Variants in DNMT3A observed in about 807,000 individuals in gnomAD.
DNMT3A encodes the protein DNA (cytosine-5)-methyltransferase 3A.
In DNMT3A, 267 loss-of-function variants were observed where a neutral mutation model predicts 117.6. The observed-to-expected ratio is 2.27, with a 90% CI of 2.05 to 2.51. The LOEUF (loss-of-function observed/expected upper bound fraction) is 2.51. Among genes scored for constraint, DNMT3A ranks in the 30% most tolerant of loss-of-function variants. The probability of loss-of-function intolerance (pLI) is 0.00; values close to 1 mark genes in which losing one functional copy is unlikely to be tolerated. For missense variants in DNMT3A, 1,029 were observed against 1,260.2 expected (o/e 0.82, Z 2.78); for synonymous variants, 432 against 474.8 (o/e 0.91, Z 1.17).
intron 1 of DNMT3A, among the ~76,000 whole-genome samples, chr2:25,341,545 G>A (rs1263396047): frequency 2.0e-5 from 3 of 146,770 alleles, no homozygotes; most frequent in Non-Finnish European, 4.6e-5. Flanking sequence ...GGCGGGGGCG[G>A]GGAGGGGGGT....
chr2:25,303,740 C>T (rs370548723), intron 2 of DNMT3A, among the ~76,000 whole-genome samples: 17 of 152,370 alleles, frequency 1.1e-4, no homozygotes, highest in South Asian at 6.2e-4. Flanking sequence ...CCAACTCTTC[C>T]GCGATGGAGT....
intron 2 of DNMT3A, among the ~76,000 whole-genome samples, chr2:25,303,314 G>A (rs1474476033): frequency 1.3e-5 from 2 of 152,244 alleles, no homozygotes; most frequent in East Asian, 1.9e-4. Flanking sequence ...AGCTTCCACT[G>A]GGCATGCGGA....
At chr2:25,338,098 G>C (rs2035279482) in intron 1 of DNMT3A, among the ~76,000 whole-genome samples, 1 of 152,198 alleles carries the variant, frequency 6.6e-6, no homozygotes, top group African/African-American at 2.4e-5. Context: ...ACCAAGTCCA[G>C]GACCCCAGGC....
chr2:25,249,554 C>T lies in DNMT3A; in HGVS notation c.640-1302G>A, dbSNP rs954886324. 4.6e-6 allele frequency: 6 copies of T among 1,304,272 alleles called. No homozygotes were observed. In the South Asian group the frequency reaches 4.8e-5, roughly 10 times the overall value. The allele number at this position is 1,304,272 out of a possible 1,614,324, so 80.8% of individuals were successfully genotyped here. On this transcript the variant is annotated intron_variant, in intron 6 of 22. Transcript: ENST00000321117. Reference sequence around the variant, plus strand: ...ATACATGTATTCATTCAGTTATTTACTGAGCAGGCACTATAGACCAGGCGT... The same window carrying T: ...ATACATGTATTCATTCAGTTATTTATTGAGCAGGCACTATAGACCAGGCGT...
intron 10 of DNMT3A, 27 bp downstream of exon 10, chr2:25,246,593 C>T: frequency 3.1e-6 from 5 of 1,594,900 alleles, no homozygotes; most frequent in Non-Finnish European, 4.3e-6. Context: ...GGGCAGGGGT[C>T]CCAGAAAGCT....
intron 1 of DNMT3A, among the ~76,000 whole-genome samples, chr2:25,338,007 G>A (rs1328620272): frequency 6.6e-6 from 1 of 152,198 alleles, no homozygotes; most frequent in Admixed American, 6.5e-5. Flanking sequence ...ATGGCATTGG[G>A]GTAGATGCTC....
At chr2:25,341,718 G>T in intron 1 of DNMT3A, 108 bp downstream of exon 1, 1 of 799,510 alleles carries the variant, frequency 1.3e-6, no homozygotes. Flanking sequence ...GGGTCCGGGA[G>T]CGTGCCCCGA....
intron 1 of DNMT3A, among the ~76,000 whole-genome samples, chr2:25,340,859 G>C (rs1375452088): frequency 8.3e-6 from 1 of 119,920 alleles, no homozygotes; most frequent in South Asian, 3.1e-4. Context: ...CGGCCCCCGC[G>C]GCCCGGGCCC....
At position 25,244,389 on chromosome 2, in the gene DNMT3A, G is replaced by A. The variant is rs751242804; in HGVS notation, c.1668-51C>T. 4.5e-6 allele frequency: 7 copies of A among 1,570,858 alleles called. No homozygotes were observed. The South Asian group carries it at 6.9e-5, about 15-fold the overall frequency. ...GAGACTCTCAGCCCTGGTCCGGGGAGGCCAAGGTGTGCTACCTGGAATGGA... is the reference window on the plus strand; with the variant it reads ...GAGACTCTCAGCCCTGGTCCGGGGAAGCCAAGGTGTGCTACCTGGAATGGA... On this transcript the variant is annotated intron_variant, in intron 14 of 22. Coordinates refer to ENST00000321117, the MANE Select transcript of DNMT3A (RefSeq NM_022552.5).
At chr2:25,318,363 T>G (rs969416805) in intron 1 of DNMT3A, among the ~76,000 whole-genome samples, 3 of 151,978 alleles carry the variant, frequency 2.0e-5, no homozygotes, top group African/African-American at 7.3e-5. Context: ...CTCCACTCAC[T>G]GCAACCTCCG....
At chr2:25,264,684 G>A (rs752411569) in intron 6 of DNMT3A, among the ~76,000 whole-genome samples, 17 of 150,920 alleles carry the variant, frequency 1.1e-4, no homozygotes, top group Non-Finnish European at 2.1e-4. Flanking sequence ...GGATGGTCTC[G>A]ATCTGCTGAC....
At chr2:25,333,256 G>A (rs1289470449) in intron 1 of DNMT3A, among the ~76,000 whole-genome samples, 1 of 151,728 alleles carries the variant, frequency 6.6e-6, no homozygotes, top group Non-Finnish European at 1.5e-5. Flanking sequence ...GGGCTTGGGG[G>A]TCATTCTCAA....
At chr2:25,321,077 G>C in intron 1 of DNMT3A, among the ~76,000 whole-genome samples, 1 of 151,862 alleles carries the variant, frequency 6.6e-6, no homozygotes, top group East Asian at 1.9e-4. Context: ...AGGTTGCGGT[G>C]AGCGGAGATG....
At chr2:25,299,853 C>T (rs1185339974) in intron 3 of DNMT3A, among the ~76,000 whole-genome samples, 1 of 152,158 alleles carries the variant, frequency 6.6e-6, no homozygotes, top group East Asian at 1.9e-4. Context: ...ACTGTTTGAA[C>T]CCAGGAGGTG....
chr2:25,238,624 T>G (rs1251246795), intron 20 of DNMT3A, among the ~76,000 whole-genome samples: 1 of 152,222 alleles, frequency 6.6e-6, no homozygotes, highest in Non-Finnish European at 1.5e-5. Flanking sequence ...GTAACCTAAC[T>G]GAAGAAAATC....
rs553503993 is a variant in DNMT3A, at chr2:25,294,920, G to T, written c.177+5219C>A. Among the ~76,000 whole-genome samples, 1 of 152,150 alleles carries T rather than the reference G, an allele frequency of 6.6e-6. No individual in the cohort carries two copies. The highest frequency in any genetic ancestry group is 1.5e-5 in the Non-Finnish European group (1 of 68,030). On this transcript the variant is annotated intron_variant, in intron 3 of 22. Transcript: ENST00000321117. This position sits in a 1 kb window ranked among gnomAD's most constrained non-coding sequence, Gnocchi z 4.7. The stretch of plus-strand genomic sequence containing the variant: ...TCCCATTCTGGGTTATTCTTAGCAG[G>T]AGGTGACCTCAGAGTGCTCCCTCTG...
intron 4 of DNMT3A, among the ~76,000 whole-genome samples, chr2:25,279,538 C>T (rs2031726456): frequency 6.6e-6 from 1 of 152,166 alleles, no homozygotes; most frequent in South Asian, 2.1e-4. Context: ...TAGGCCACTG[C>T]CCACCCCGCG....
At chr2:25,312,289 G>T (rs1380086485) in intron 2 of DNMT3A, among the ~76,000 whole-genome samples, 1 of 152,224 alleles carries the variant, frequency 6.6e-6, no homozygotes, top group Non-Finnish European at 1.5e-5. Context: ...AGTCCTGAGC[G>T]GGGGCAGCCT....
intron 3 of DNMT3A, among the ~76,000 whole-genome samples, chr2:25,290,991 C>G (rs1465160820): frequency 6.6e-6 from 1 of 152,172 alleles, no homozygotes; most frequent in Non-Finnish European, 1.5e-5. Context: ...AACCGGGAAC[C>G]CTGGCATCAG....
Sources: gnomAD v4.1 joint callset for allele counts (sites outside exome capture counted in the v4.1 genomes callset) on GRCh38, gnomAD v4.1.1 for gene constraint, Gnocchi (gnomAD v3.1) non-coding constraint, MANE v1.5 for transcripts, NCBI Gene and HGNC (gene_info 2026-07-23, HGNC 2026-07-21) for gene names.